The following TUSC3 variants were observed in gnomAD, a reference collection of about 807,000 sequenced individuals.
The protein encoded by TUSC3 is tumor suppressor candidate 3, also known as dolichyl-diphosphooligosaccharide--protein glycosyltransferase subunit TUSC3.
In TUSC3, 45 loss-of-function variants were observed where a neutral mutation model predicts 44.8. That is an observed-to-expected ratio of 1.00 (90% CI 0.79 to 1.29). The LOEUF is 1.29. Among genes scored for constraint, TUSC3 ranks in the 50% most tolerant of loss-of-function variants. The pLI, the probability that TUSC3 is intolerant of heterozygous loss-of-function variation, is 0.00. For synonymous variants in TUSC3, 212 were observed against 152.9 expected (o/e 1.39, Z -2.85); for missense variants, 519 against 437.9 (o/e 1.19, Z -1.65).
At chr8:15,844,558 T>G in the TUSC3 span, among the ~76,000 whole-genome samples, 1 of 152,180 alleles carries the variant, frequency 6.6e-6, no homozygotes, top group African/African-American at 2.4e-5. Context: ...TAACTCAGAT[T>G]TATGTTACTT....
At chr8:15,648,425 G>C (rs1452544577) in intron 2 of TUSC3, among the ~76,000 whole-genome samples, 1 of 152,022 alleles carries the variant, frequency 6.6e-6, no homozygotes, top group African/African-American at 2.4e-5. Flanking sequence ...GCAGTGACAA[G>C]CCTTAAAGAA....
chr8:15,642,934 A>T (rs902510482), intron 2 of TUSC3, among the ~76,000 whole-genome samples: 12 of 152,228 alleles, frequency 7.9e-5, no homozygotes, highest in Non-Finnish European at 1.5e-4. Flanking sequence ...CACAAATATT[A>T]AATACATATT....
chr8:15,693,061 A>T (rs565659776), intron 6 of TUSC3, among the ~76,000 whole-genome samples: 1 of 152,286 alleles, frequency 6.6e-6, no homozygotes, highest in South Asian at 2.1e-4. Flanking sequence ...TGCATGTGAG[A>T]TGGATCTGTT....
In TUSC3 at chr8:15,639,361, G is replaced by C. The variant is rs563580865; in HGVS notation, c.309-11336G>C. Among the ~76,000 whole-genome samples the C allele has an allele frequency of 4.9e-4, 75 of 152,138 alleles. 1 individual carries two copies. Among genetic ancestry groups the C allele is most frequent in the Non-Finnish European group, 9.7e-4 (66 of 68,030 alleles). ...GCTTTGGACTTTCTGTGTGCTTAGT[G>C]GGATTTTATTGAATGAAATGAATGA... On this transcript the variant is annotated intron_variant, in intron 2 of 10. Transcript: ENST00000503731.
At chr8:15,500,522 C>A (rs1412662107) in intron 2 of TUSC3, among the ~76,000 whole-genome samples, 1 of 152,114 alleles carries the variant, frequency 6.6e-6, no homozygotes, top group African/African-American at 2.4e-5. Context: ...AGGAAACCAG[C>A]ATTTCAGTTG....
chr8:15,716,662 A>T (rs1405808352), intron 6 of TUSC3, among the ~76,000 whole-genome samples: 1 of 152,176 alleles, frequency 6.6e-6, no homozygotes, highest in Non-Finnish European at 1.5e-5. Context: ...TAACTACGAA[A>T]TATCAATATT....
At chr8:15,585,923 A>G (rs1161145340) in intron 1 of TUSC3, among the ~76,000 whole-genome samples, 2 of 152,206 alleles carry the variant, frequency 1.3e-5, no homozygotes, top group Admixed American at 1.3e-4. Context: ...AAGCCATGAA[A>G]GTAGATGGGA....
At chr8:15,778,109 AAAC>A in the TUSC3 span, among the ~76,000 whole-genome samples, 20 of 104,350 alleles carry the variant, frequency 1.9e-4, no homozygotes, top group East Asian at 3.2e-4. Flanking sequence ...CAAAAAAAAA[AAAC>A]AAAAAACCAA....
At chr8:15,449,489 C>G (rs1299409449) in intron 1 of TUSC3, among the ~76,000 whole-genome samples, 2 of 152,084 alleles carry the variant, frequency 1.3e-5, no homozygotes, top group East Asian at 3.9e-4. Flanking sequence ...TCAGATACTG[C>G]CTCAAGTTAG....
upstream of TUSC3, among the ~76,000 whole-genome samples, chr8:15,537,393 C>T (rs535839649): frequency 6.6e-6 from 1 of 152,290 alleles, no homozygotes; most frequent in East Asian, 1.9e-4. Flanking sequence ...TCTCATGCCT[C>T]TCTAAAATAT....
At chr8:15,811,127 T>G in the TUSC3 span, among the ~76,000 whole-genome samples, 1 of 152,162 alleles carries the variant, frequency 6.6e-6, no homozygotes, top group East Asian at 1.9e-4. Flanking sequence ...AAATGTCGCG[T>G]GGTTGTCTTG....
At chr8:15,606,058 A>C (rs1585146212) in intron 1 of TUSC3, among the ~76,000 whole-genome samples, 2 of 151,984 alleles carry the variant, frequency 1.3e-5, no homozygotes. Flanking sequence ...TAAACCTTGA[A>C]TAACACCATG....
intron 2 of TUSC3, among the ~76,000 whole-genome samples, chr8:15,640,460 C>T (rs1319404938): frequency 6.6e-6 from 1 of 152,180 alleles, no homozygotes; most frequent in African/African-American, 2.4e-5. Context: ...GGTGATGGTA[C>T]TGGGGACGCC....
At chr8:15,537,533 C>G (rs143243106), upstream of TUSC3, among the ~76,000 whole-genome samples, 114 of 152,304 alleles carry the variant, frequency 7.5e-4, no homozygotes, top group African/African-American at 2.6e-3. Context: ...GAGTTTGACT[C>G]TTGTCATCAA....
intron 6 of TUSC3, among the ~76,000 whole-genome samples, chr8:15,680,466 A>T (rs1037142403): frequency 3.9e-5 from 6 of 152,076 alleles, no homozygotes; most frequent in Non-Finnish European, 8.8e-5. Context: ...AACTTTACTG[A>T]AATCGTTTAT....
chr8:15,596,193 T>C (rs1804058434), intron 1 of TUSC3, among the ~76,000 whole-genome samples: 1 of 152,208 alleles, frequency 6.6e-6, no homozygotes, highest in African/African-American at 2.4e-5. Context: ...TCTATAATAA[T>C]GATATGACGT....
At chr8:15,814,010 TA>T in the TUSC3 span, among the ~76,000 whole-genome samples, 1 of 152,212 alleles carries the variant, frequency 6.6e-6, no homozygotes, top group Non-Finnish European at 1.5e-5. Context: ...TTGTGAGGAC[TA>T]AACAAGCTAA....
At chr8:15,595,736 C>A (rs1283502206) in intron 1 of TUSC3, among the ~76,000 whole-genome samples, 2 of 152,092 alleles carry the variant, frequency 1.3e-5, no homozygotes, top group East Asian at 3.9e-4. Flanking sequence ...TACAATGTAG[C>A]ACTTATTTTA....
chr8:15,762,154 ATT>A (rs1052904409), intron 10 of TUSC3, among the ~76,000 whole-genome samples: 1 of 151,902 alleles, frequency 6.6e-6, no homozygotes, highest in African/African-American at 2.4e-5. Context: ...CAGTCAAAAC[ATT>A]TTTGACATTT....
Sources: allele counts gnomAD v4.1 joint callset (sites outside exome capture counted in the v4.1 genomes callset), GRCh38; gene constraint gnomAD v4.1.1; transcripts MANE v1.5; gene names NCBI Gene and HGNC (gene_info 2026-07-23, HGNC 2026-07-21).